LAMB4: variants seen among roughly 807,000 people sequenced by gnomAD.
LAMB4 encodes laminin subunit beta 4, also known as laminin subunit beta-4.
In LAMB4, 196 loss-of-function variants were observed where a neutral mutation model predicts 199.2. The observed-to-expected ratio is 0.98, with a 90% confidence interval of 0.88 to 1.11. The LOEUF (loss-of-function observed/expected upper bound fraction) is 1.11, where lower values mean the gene tolerates loss of function less well. Among genes scored for constraint, LAMB4 ranks in the 50% least tolerant of loss-of-function variants. The pLI is 0.00. For synonymous variants in LAMB4, 744 were observed against 770.6 expected (o/e 0.97, Z 0.57); for missense variants, 2,080 against 2,171.2 (o/e 0.96, Z 0.83).
chr7:108,038,935 C>T (rs2701044), intron 29 of LAMB4, among the ~76,000 whole-genome samples: 29,556 of 152,050 alleles, frequency 0.19, 6,184 homozygotes, highest in African/African-American at 0.53. Context: ...ATTGATCACA[C>T]AGGAACAGAA....
intron 3 of LAMB4, among the ~76,000 whole-genome samples, 153 bp downstream of exon 3, chr7:108,115,851 C>T (rs901991119): frequency 6.6e-6 from 1 of 152,106 alleles, no homozygotes; most frequent in Admixed American, 6.5e-5. Flanking sequence ...GGCACCAACG[C>T]CCCGTGGATA....
intron 10 of LAMB4, 106 bp from the exon 11 acceptor site, chr7:108,098,688 T>A: frequency 1.1e-6 from 1 of 919,342 alleles, no homozygotes; most frequent in Non-Finnish European, 1.6e-6. Context: ...TTTGTTTAAA[T>A]AATTAAATGT....
At chr7:108,062,737 C>T (rs2036206175) in intron 23 of LAMB4, 37 bp downstream of exon 23, 1 of 1,184,168 alleles carries the variant, frequency 8.4e-7, no homozygotes, top group African/African-American at 1.6e-5. Context: ...CTATCATGCT[C>T]ACTTTGAGTG....
At position 108,023,920 on chromosome 7, in the gene LAMB4, AG is replaced by A; in HGVS notation, c.*118del. The A allele has an allele frequency of 1.3e-6, 1 of 754,544 alleles. No homozygotes were observed. The allele number at this position is 754,544 out of a possible 1,614,324, so 46.7% of individuals were successfully genotyped here. ...CACTGAGCAGGTGTCTAATAAGGAC[AG>A]GGTGTGGGGAAGGAAGGTAGAAGAC... is the stretch of plus-strand genomic sequence containing the variant. On this transcript the variant is annotated 3_prime_UTR_variant, in exon 34 of 34. Coordinates refer to ENST00000388781, the MANE Select transcript of LAMB4 (RefSeq NM_007356.3).
intron 26 of LAMB4, among the ~76,000 whole-genome samples, 183 bp downstream of exon 26, chr7:108,051,914 G>A (rs1452941211): frequency 6.6e-6 from 1 of 152,170 alleles, no homozygotes. Flanking sequence ...ATGCTAGCCA[G>A]GCTCTGTGAT....
rs531886064 is a variant in LAMB4, at chr7:108,033,543, G to A, written c.4818+665C>T. ...GTTGCCTCAGCCTTCCAAGTAGCTG[G>A]GATTATAGGTGCCTGCCACCATGCC... On this transcript the variant is annotated intron_variant, in intron 31 of 33. Coordinates refer to ENST00000388781, the MANE Select transcript of LAMB4 (RefSeq NM_007356.3). 2.6e-5 allele frequency among the ~76,000 whole-genome samples: 4 copies of A among 152,002 alleles called. No individual in the cohort carries two copies. The South Asian group carries it at 8.3e-4, about 32-fold the overall frequency.
chr7:108,057,464 G>C (rs1349304966), intron 24 of LAMB4, among the ~76,000 whole-genome samples: 3 of 152,202 alleles, frequency 2.0e-5, no homozygotes, highest in Non-Finnish European at 2.9e-5. Flanking sequence ...AAGGAATGGA[G>C]AGGAGGAAAG....
intron 33 of LAMB4, among the ~76,000 whole-genome samples, chr7:108,024,923 A>G (rs568934580): frequency 2.9e-4 from 44 of 152,368 alleles, no homozygotes; most frequent in African/African-American, 1.1e-3. Flanking sequence ...CTGACATTAG[A>G]GTTTTTGCAA....
chr7:108,076,335 G>A (rs561152612), intron 17 of LAMB4, among the ~76,000 whole-genome samples: 1 of 152,206 alleles, frequency 6.6e-6, no homozygotes, highest in South Asian at 2.1e-4. Context: ...CCCACTCTGT[G>A]GGGGAAAGAT....
intron 2 of LAMB4, among the ~76,000 whole-genome samples, chr7:108,118,998 A>T (rs1453482669): frequency 2.6e-5 from 4 of 152,248 alleles, no homozygotes; most frequent in African/African-American, 9.6e-5. Flanking sequence ...AGAACACTTC[A>T]GTGAAGAAGA....
chr7:108,106,412 C>T (rs953221235), intron 7 of LAMB4, 97 bp downstream of exon 7: 16 of 733,274 alleles, frequency 2.2e-5, no homozygotes, highest in South Asian at 1.5e-4. Flanking sequence ...GGCAAGACTC[C>T]GTCTCAAGAA....
intron 29 of LAMB4, 141 bp from the exon 30 acceptor site, chr7:108,037,736 T>C: frequency 1.6e-6 from 1 of 637,088 alleles, no homozygotes; most frequent in Non-Finnish European, 2.8e-6. Flanking sequence ...AGATTGTAGC[T>C]TCCTATAGAT....
At chr7:108,080,257 A>C (rs2036878950) in intron 14 of LAMB4, among the ~76,000 whole-genome samples, 1 of 152,188 alleles carries the variant, frequency 6.6e-6, no homozygotes, top group African/African-American at 2.4e-5. Context: ...CTCTTCTTCT[A>C]TCTGCTTGGG....
At chr7:108,014,676 G>GT in the LAMB4 span, among the ~76,000 whole-genome samples, 1 of 151,742 alleles carries the variant, frequency 6.6e-6, no homozygotes, top group African/African-American at 2.4e-5. Flanking sequence ...TGTATAGAAT[G>GT]TATGATGGCA....
At chr7:108,062,235 T>C (rs1030032135) in intron 23 of LAMB4, among the ~76,000 whole-genome samples, 3 of 152,226 alleles carry the variant, frequency 2.0e-5, no homozygotes, top group African/African-American at 7.2e-5. Context: ...TAGTATTAGT[T>C]GTATATGAAA....
chr7:108,091,704 A>T lies in LAMB4; in HGVS notation c.1623T>A (p.Pro541=). 6.2e-7 allele frequency: 1 copy of T among 1,614,220 alleles called. No individual in the cohort carries two copies. The highest frequency in any genetic ancestry group is 8.5e-7 in the Non-Finnish European group (1 of 1,180,032). The change falls in exon 14 of 34, where the codon CCT becomes CCA. Residue 541 remains proline (P), a synonymous_variant. Coordinates refer to ENST00000388781, the MANE Select transcript of LAMB4 (RefSeq NM_007356.3). Reference sequence around the variant, plus strand: ...AATTCAAAGGAGCAAAGAAGTAGCCAGGGGCTGGTTCAGAGCAGCTACGGC... The same window carrying T: ...AATTCAAAGGAGCAAAGAAGTAGCCTGGGGCTGGTTCAGAGCAGCTACGGC... ...VTGRSCSEPA[P]GYFFAPLNFY... is the part of the protein sequence containing the mutation.
chr7:108,037,880 G>A (rs1356592715), intron 29 of LAMB4, among the ~76,000 whole-genome samples: 4 of 152,156 alleles, frequency 2.6e-5, no homozygotes, highest in Non-Finnish European at 4.4e-5. Flanking sequence ...TCTACAAAAT[G>A]TCCTGAGAAT....
chr7:108,025,404 T>TCTTTCTTTCTTTCTTTCTTC lies in LAMB4; in HGVS notation c.5147-1227_5147-1226insGAAGAAAGAAAGAAAGAAAG, dbSNP rs1563024676. ...TTTTCTTTTCTTTTCTTTCTTTCTT[T>TCTTTCTTTCTTTCTTTCTTC]CTTTCTTTCTTTCTTCTTTCTTTCT... On this transcript the variant is annotated intron_variant, in intron 33 of 33. Transcript: ENST00000388781. 3.1e-5 allele frequency among the ~76,000 whole-genome samples: 4 copies of TCTTTCTTTCTTTCTTTCTTC among 129,710 alleles called. 1 individual carries two copies. Among genetic ancestry groups the TCTTTCTTTCTTTCTTTCTTC allele is most frequent in the African/African-American group, 1.8e-4 (4 of 22,752 alleles). The allele number at this position is 129,710 out of a possible 152,430, so 85.1% of individuals were successfully genotyped here.
chr7:108,047,873 A>G (rs369699295), intron 28 of LAMB4, 35 bp downstream of exon 28: 3 of 1,560,732 alleles, frequency 1.9e-6, no homozygotes, highest in Middle Eastern at 1.7e-4. Flanking sequence ...CTTTATTGCT[A>G]TAACTTTACA....
Sources: gnomAD v4.1 joint callset for allele counts (sites outside exome capture counted in the v4.1 genomes callset) on GRCh38, gnomAD v4.1.1 for gene constraint, MANE v1.5 for transcripts, NCBI Gene and HGNC (gene_info 2026-07-23, HGNC 2026-07-21) for gene names.